The following KIF14 variants were observed in gnomAD, a reference collection of about 807,000 sequenced individuals.
KIF14 encodes the protein kinesin-like protein KIF14.
A neutral mutation model predicts 176.2 loss-of-function variants in KIF14; 98 were observed. The observed-to-expected ratio is 0.56, with a 90% CI of 0.47 to 0.66. The LOEUF is 0.66. Ranked by LOEUF, KIF14 falls within the 30% of genes least tolerant of loss-of-function variation. KIF14 has a pLI of 0.00. For synonymous variants in KIF14, 566 were observed against 632.2 expected (o/e 0.90, Z 1.57); for missense variants, 1,751 against 1,920.4 (o/e 0.91, Z 1.65).
intron 18 of KIF14, among the ~76,000 whole-genome samples, chr1:200,586,861 G>A (rs1658778743): frequency 6.7e-6 from 1 of 149,976 alleles, no homozygotes; most frequent in African/African-American, 2.5e-5. Flanking sequence ...AATATCTTTT[G>A]CAGCAACTTG....
intron 22 of KIF14, among the ~76,000 whole-genome samples, chr1:200,573,611 T>C (rs2102624846): frequency 6.6e-6 from 1 of 152,170 alleles, no homozygotes; most frequent in South Asian, 2.1e-4. Flanking sequence ...AAGGAGCTCA[T>C]TTCTGTGTAA....
intron 22 of KIF14, 28 bp from the exon 23 acceptor site, chr1:200,570,033 C>T: frequency 1.8e-6 from 2 of 1,087,644 alleles, no homozygotes; most frequent in Non-Finnish European, 2.7e-6. Context: ...ATAAGATTAG[C>T]AGTTCTATAC....
chr1:200,565,826 C>T (rs2102593692), intron 23 of KIF14, among the ~76,000 whole-genome samples, 157 bp from the exon 24 acceptor site: 1 of 152,226 alleles, frequency 6.6e-6, no homozygotes, highest in Non-Finnish European at 1.5e-5. Flanking sequence ...AAAAACAAAA[C>T]TATTAGTATA....
chr1:200,615,156 G>C (rs758018514), intron 3 of KIF14, among the ~76,000 whole-genome samples, 199 bp downstream of exon 3: 24 of 152,168 alleles, frequency 1.6e-4, no homozygotes, highest in African/African-American at 5.8e-4. Flanking sequence ...AAGATGAATT[G>C]TATCAAGGTA....
chr1:200,591,588 A>T (rs748105332), intron 16 of KIF14, among the ~76,000 whole-genome samples: 2 of 152,250 alleles, frequency 1.3e-5, no homozygotes, highest in Non-Finnish European at 2.9e-5. Context: ...ATACTGCATG[A>T]ACTAAAACTG....
intron 25 of KIF14, among the ~76,000 whole-genome samples, chr1:200,562,254 A>T (rs1385640171): frequency 6.6e-6 from 1 of 152,230 alleles, no homozygotes; most frequent in Non-Finnish European, 1.5e-5. Flanking sequence ...GATTCCTTGT[A>T]TAAGATTTCC....
intron 4 of KIF14, among the ~76,000 whole-genome samples, chr1:200,611,910 G>A (rs1288382410): frequency 6.6e-6 from 1 of 152,060 alleles, no homozygotes; most frequent in Non-Finnish European, 1.5e-5. Context: ...AACACAGAAA[G>A]ACATTAAGTA....
At chr1:200,570,054 A>T in intron 22 of KIF14, 49 bp from the exon 23 acceptor site, 1 of 832,324 alleles carries the variant, frequency 1.2e-6, no homozygotes, top group South Asian at 2.0e-5. Flanking sequence ...CACATGGAAT[A>T]ATATTATTAA....
intron 14 of KIF14, among the ~76,000 whole-genome samples, chr1:200,594,368 C>CAAAAAAAA (rs371729211): frequency 2.5e-3 from 229 of 92,328 alleles, no homozygotes; most frequent in African/African-American, 3.8e-3. Context: ...CCCAAAAATT[C>CAAAAAAAA]AAAAAAAAAA....
intron 27 of KIF14, 112 bp from the exon 28 acceptor site, chr1:200,555,566 T>G (rs75006872): frequency 8.2e-6 from 4 of 487,452 alleles, no homozygotes; most frequent in Admixed American, 8.5e-5. Context: ...GCCCAAAGAT[T>G]GGAGCTCTAT....
In KIF14 at chr1:200,581,760, C is replaced by CT. The variant is rs1558064089; in HGVS notation, c.3242-467_3242-466insA. On this transcript the variant is annotated intron_variant, in intron 19 of 29. Coordinates refer to ENST00000367350, the MANE Select transcript of KIF14 (RefSeq NM_014875.3). ...ATAATTTAGTACACAATTTCACTTT[C>CT]CTTTTTTTTTTTTTTTTTTTTTTTG... 6.1e-4 allele frequency among the ~76,000 whole-genome samples: 62 copies of CT among 102,432 alleles called. 2 individuals carry two copies. Among genetic ancestry groups the CT allele is most frequent in the East Asian group, 5.8e-3 (11 of 1,904 alleles). The allele number at this position is 102,432 out of a possible 152,430, so 67.2% of individuals were successfully genotyped here.
rs1306343911 is a variant in KIF14 at position 200,618,285 on chromosome 1, C to T, written c.439G>A (p.Val147Met). The T allele has an allele frequency of 2.5e-6, 4 of 1,613,714 alleles. No homozygotes were observed. The Admixed American group carries it at 6.7e-5, about 27-fold the overall frequency. ...EIDSVKMTLNVGGETENNGVS... is the reference protein window; with the variant it reads ...EIDSVKMTLNMGGETENNGVS... ...CCATTATTTTCTGTTTCACCTCCCA[C>T]ATTCAGTGTCATTTTGACAGAATCT... The change falls in exon 2 of 30, where the codon GTG (valine) becomes ATG (methionine). Residue 147 changes from valine (V) to methionine (M), a missense_variant. Val to Met is a conservative substitution (Grantham distance 21). Coordinates refer to ENST00000367350, the MANE Select transcript of KIF14 (RefSeq NM_014875.3).
intron 22 of KIF14, among the ~76,000 whole-genome samples, chr1:200,571,683 C>T (rs1410475385): frequency 6.6e-6 from 1 of 152,086 alleles, no homozygotes; most frequent in African/African-American, 2.4e-5. Context: ...ATAAAATTTC[C>T]CCCATGAACT....
In KIF14 at chr1:200,588,299, G is replaced by A. The variant is rs188307181; in HGVS notation, c.3114+918C>T. On this transcript the variant is annotated intron_variant, in intron 18 of 29. Coordinates refer to ENST00000367350, the MANE Select transcript of KIF14 (RefSeq NM_014875.3). ...CTCTGTCACCAGGCTGGAGTGCAGTGGCATAATCTCAGCTCACTGCAACCT... is the reference window on the plus strand; with the variant it reads ...CTCTGTCACCAGGCTGGAGTGCAGTAGCATAATCTCAGCTCACTGCAACCT... Among the ~76,000 whole-genome samples, 292 of 150,202 alleles carry A rather than the reference G, an allele frequency of 1.9e-3. 3 individuals are homozygous for A. The highest frequency in any genetic ancestry group is 6.6e-3 in the African/African-American group (271 of 40,822).
Position 200,553,214 on chromosome 1 carries a change from G to T in KIF14, c.*174C>A. The T allele has an allele frequency of 1.6e-6, 1 of 627,496 alleles. No individual in the cohort carries two copies. Among genetic ancestry groups the T allele is most frequent in the Non-Finnish European group, 2.5e-6 (1 of 398,030 alleles). 38.9% of individuals were successfully genotyped at this position (627,496 alleles called of 1,614,324 possible). On this transcript the variant is annotated 3_prime_UTR_variant, in exon 30 of 30. Transcript: ENST00000367350. Reference sequence around the variant, plus strand: ...GCCTCCCAAAGTGCTGGGATTACAGGCGTGAGCCACTGTGTCTGGCCTTTG... The same window carrying T: ...GCCTCCCAAAGTGCTGGGATTACAGTCGTGAGCCACTGTGTCTGGCCTTTG...
At chr1:200,561,268 C>T (rs909522839) in intron 25 of KIF14, among the ~76,000 whole-genome samples, 4 of 145,418 alleles carry the variant, frequency 2.8e-5, no homozygotes, top group South Asian at 2.2e-4. Flanking sequence ...GTCCCGGACA[C>T]GGTGGCTCAT....
In KIF14 at chr1:200,561,239, A is replaced by AAAG. The variant is rs1553253845; in HGVS notation, c.4072-360_4072-359insCTT. Among the ~76,000 whole-genome samples the AAAG allele has an allele frequency of 2.2e-3, 314 of 145,454 alleles. 1 individual carries two copies. Among genetic ancestry groups the AAAG allele is most frequent in the African/African-American group, 5.4e-3 (212 of 39,336 alleles). On this transcript the variant is annotated intron_variant, in intron 25 of 29. Transcript: ENST00000367350. Reference sequence around the variant, plus strand: ...AGTAAGACTCCATCTTAAAAAAAAAAAAAAAGAAAAAGAAAAATGTCCCGG... The same window carrying AAAG: ...AGTAAGACTCCATCTTAAAAAAAAAAAAGAAAAAGAAAAAGAAAAATGTCCCGG...
intron 22 of KIF14, 45 bp downstream of exon 22, chr1:200,575,546 T>A: frequency 1.0e-6 from 1 of 957,582 alleles, no homozygotes; most frequent in Non-Finnish European, 1.6e-6. Context: ...CACACACACA[T>A]GCACACACAA....
At chr1:200,568,391 G>T (rs1558052257) in intron 23 of KIF14, among the ~76,000 whole-genome samples, 1 of 152,118 alleles carries the variant, frequency 6.6e-6, no homozygotes. Context: ...GATTAAATAA[G>T]TAGTAGGATC....
Sources: gnomAD v4.1 joint callset for allele counts (sites outside exome capture counted in the v4.1 genomes callset) on GRCh38, gnomAD v4.1.1 for gene constraint, MANE v1.5 for transcripts, NCBI Gene and HGNC (gene_info 2026-07-23, HGNC 2026-07-21) for gene names.